The following SAMD12 variants were observed in gnomAD, a reference collection of about 807,000 sequenced individuals.
SAMD12 encodes the protein sterile alpha motif domain containing 12.
A neutral mutation model predicts 15.0 loss-of-function variants in SAMD12; 9 were observed. That is an observed-to-expected ratio of 0.60 (90% CI 0.36 to 1.05). The LOEUF (loss-of-function observed/expected upper bound fraction) is 1.05, where lower values mean the gene tolerates loss of function less well. SAMD12 is among the 50% of genes least tolerant of loss of function. The pLI is 0.01. For missense variants in SAMD12, 230 were observed against 234.2 expected (o/e 0.98, Z 0.12); for synonymous variants, 86 against 90.1 (o/e 0.96, Z 0.25).
chr8:118,305,144 CAAAAAAAAAAAAAAA>C (rs56200866), intron 4 of SAMD12, among the ~76,000 whole-genome samples: 2 of 48,886 alleles, frequency 4.1e-5, no homozygotes, highest in East Asian at 6.6e-4. Context: ...GACTCCCTGT[CAAAAAAAAAAAAAAA>C]AAAAAAAAAA....
chr8:118,463,162 A>G (rs1191408907), intron 2 of SAMD12, among the ~76,000 whole-genome samples: 4 of 150,816 alleles, frequency 2.7e-5, no homozygotes, highest in Admixed American at 6.6e-5. Context: ...AGAATCCTCA[A>G]CTGGTGTGGG....
chr8:118,357,694 T>A (rs1228949439), intron 4 of SAMD12, among the ~76,000 whole-genome samples: 3 of 152,112 alleles, frequency 2.0e-5, no homozygotes, highest in Admixed American at 2.0e-4. Context: ...CTGAAAAAAA[T>A]TCTTTAATGG....
intron 4 of SAMD12, among the ~76,000 whole-genome samples, chr8:118,237,052 G>A (rs568997740): frequency 1.3e-5 from 2 of 152,256 alleles, no homozygotes; most frequent in South Asian, 4.1e-4. Flanking sequence ...GTAAGTTGAG[G>A]ATGGTGGTTA....
At chr8:118,476,855 C>T (rs1326846934) in intron 2 of SAMD12, among the ~76,000 whole-genome samples, 2 of 152,144 alleles carry the variant, frequency 1.3e-5, no homozygotes, top group Middle Eastern at 3.2e-3. Flanking sequence ...TTCTTTAGCT[C>T]GAGTAGTTCT....
At chr8:118,300,986 T>G (rs1009911309) in intron 4 of SAMD12, among the ~76,000 whole-genome samples, 7 of 152,220 alleles carry the variant, frequency 4.6e-5, no homozygotes, top group Admixed American at 1.3e-4. Flanking sequence ...AATAATTTTA[T>G]GCACTTGTAA....
intron 2 of SAMD12, among the ~76,000 whole-genome samples, chr8:118,530,997 C>T (rs1013912684): frequency 1.3e-5 from 2 of 152,206 alleles, no homozygotes; most frequent in Non-Finnish European, 2.9e-5. Context: ...CATGCCACTA[C>T]ATGCCCATGA....
chr8:118,540,824 G>A (rs547907455), intron 2 of SAMD12, among the ~76,000 whole-genome samples: 6 of 152,306 alleles, frequency 3.9e-5, no homozygotes, highest in Non-Finnish European at 7.3e-5. Context: ...GTACACTGCT[G>A]TGAAATGTCA....
At chr8:118,275,592 T>G (rs569134321) in intron 4 of SAMD12, among the ~76,000 whole-genome samples, 1 of 152,194 alleles carries the variant, frequency 6.6e-6, no homozygotes, top group Non-Finnish European at 1.5e-5. Flanking sequence ...GAGGCACATG[T>G]GCAGGTTTGT....
chr8:118,183,065 C>G, the SAMD12 span, among the ~76,000 whole-genome samples: 1 of 152,158 alleles, frequency 6.6e-6, no homozygotes, highest in African/African-American at 2.4e-5. Flanking sequence ...AAATCAAATG[C>G]CTGCTCACTT....
Position 118,379,069 on chromosome 8 carries a change from A to C in SAMD12, c.*348T>G. 9.6e-7 allele frequency: 1 copy of C among 1,045,784 alleles called. No homozygotes were observed. Among genetic ancestry groups the C allele is most frequent in the Non-Finnish European group, 1.2e-6 (1 of 865,482 alleles). 64.8% of individuals were successfully genotyped at this position (1,045,784 alleles called of 1,614,324 possible). On this transcript the variant is annotated 3_prime_UTR_variant, in exon 4 of 4. Transcript: ENST00000314727. ...TATCTAAAATGTTTTTCTCCCACTA[A>C]CCGGTGAAAAGCAAAACAAAAATAC...
At position 118,562,017 on chromosome 8, in the gene SAMD12, T is replaced by C. The variant is rs142482462; in HGVS notation, c.192+18698A>G. On this transcript the variant is annotated intron_variant, in intron 2 of 3. Transcript: ENST00000314727. ...AAAAAAATTAGAAAAATAATGTTAA[T>C]CAAATAATTTAGATGTACAGCATTT... 5.5e-3 allele frequency among the ~76,000 whole-genome samples: 830 copies of C among 152,256 alleles called. 11 individuals are homozygous for C. Among genetic ancestry groups the C allele is most frequent in the African/African-American group, 0.019 (789 of 41,538 alleles).
rs915587332 is a variant in SAMD12, at chr8:118,282,860, G to A, written c.434-85128C>T. Among the ~76,000 whole-genome samples the A allele has an allele frequency of 3.3e-5, 5 of 152,158 alleles. 1 individual carries two copies. The South Asian group carries it at 1.0e-3, about 32-fold the overall frequency. On this transcript the variant is annotated intron_variant, in intron 4 of 4. Coordinates refer to the SAMD12 transcript ENST00000409003. ...TATATATGTATAGATATGTGTGTGT[G>A]TGTAGCTGTATGTATACATATGTAT... is the stretch of plus-strand genomic sequence containing the variant.
chr8:118,574,172 G>A (rs1418100388), intron 2 of SAMD12, among the ~76,000 whole-genome samples: 1 of 152,214 alleles, frequency 6.6e-6, no homozygotes, highest in Non-Finnish European at 1.5e-5. Flanking sequence ...GGGATGGCAA[G>A]TACCAATAAT....
the SAMD12 span, among the ~76,000 whole-genome samples, chr8:118,139,089 G>A: frequency 6.6e-6 from 1 of 152,094 alleles, no homozygotes; most frequent in Admixed American, 6.5e-5. Flanking sequence ...TGGTGGAAAT[G>A]GATATTAACA....
intron 1 of SAMD12, among the ~76,000 whole-genome samples, chr8:118,587,911 CT>C (rs1827492618): frequency 6.6e-6 from 1 of 152,116 alleles, no homozygotes; most frequent in Admixed American, 6.6e-5. Context: ...TTTAGCCCTT[CT>C]TTTTAAAAGA....
In SAMD12 at chr8:118,379,026, T is replaced by C. The variant is rs1819527743; in HGVS notation, c.*391A>G. 9.9e-7 allele frequency: 1 copy of C among 1,010,142 alleles called. No homozygotes were observed. Among genetic ancestry groups the C allele is most frequent in the Non-Finnish European group, 1.2e-6 (1 of 841,140 alleles). The allele number at this position is 1,010,142 out of a possible 1,614,324, so 62.6% of individuals were successfully genotyped here. ...CTCTAAAGTGTGTGTGTATAATACA[T>C]TCATGTATAGTAATACATATCTAAA... On this transcript the variant is annotated 3_prime_UTR_variant, in exon 4 of 4. Coordinates refer to ENST00000314727, the MANE Select transcript of SAMD12 (RefSeq NM_207506.3).
At chr8:118,192,633 A>C (rs1819440093) in exon 5 of SAMD12, 1 of 152,202 alleles carries the variant, frequency 6.6e-6, no homozygotes, top group African/African-American at 2.4e-5. Context: ...CAAACAAACA[A>C]ACAAACAAAA....
chr8:118,377,675 C>A (rs576846515), downstream of SAMD12, among the ~76,000 whole-genome samples: 571 of 152,182 alleles, frequency 3.8e-3, 6 homozygotes, highest in African/African-American at 0.013. Context: ...ATATATTATG[C>A]ATCTAGGGCA....
intron 4 of SAMD12, among the ~76,000 whole-genome samples, chr8:118,329,698 T>G (rs1816727316): frequency 6.6e-6 from 1 of 152,210 alleles, no homozygotes. Context: ...AATGGGTCAT[T>G]GCTGCATGTT....
Sources: gnomAD v4.1 joint callset for allele counts (sites outside exome capture counted in the v4.1 genomes callset) on GRCh38, gnomAD v4.1.1 for gene constraint, MANE v1.5 for transcripts, NCBI Gene and HGNC (gene_info 2026-07-23, HGNC 2026-07-21) for gene names.